The following COLEC10 variants were observed in gnomAD, a reference collection of about 807,000 sequenced individuals.
COLEC10 encodes the protein collectin subfamily member 10.
Under a neutral mutation model 28.4 loss-of-function variants are expected in COLEC10, and 22 were observed. The ratio of observed to expected loss-of-function variants is 0.78; its 90% CI spans 0.55 to 1.11. The LOEUF (loss-of-function observed/expected upper bound fraction) is 1.11, where lower values mean the gene tolerates loss of function less well. Among genes scored for constraint, COLEC10 ranks in the 50% least tolerant of loss-of-function variants. The pLI, the probability that COLEC10 is intolerant of heterozygous loss-of-function variation, is 0.00. For missense variants in COLEC10, 361 were observed against 344.1 expected, an observed-to-expected ratio of 1.05 and a Z score of -0.39; for synonymous variants, 125 against 116.1, an observed-to-expected ratio of 1.08 and a Z score of -0.49.
intron 2 of COLEC10, among the ~76,000 whole-genome samples, chr8:119,090,301 A>C (rs1815563681): frequency 6.6e-6 from 1 of 152,204 alleles, no homozygotes; most frequent in African/African-American, 2.4e-5. Context: ...AGATATGATT[A>C]GGAAGTGTCT....
intron 5 of COLEC10, 119 bp from the exon 6 acceptor site, chr8:119,105,681 C>T: frequency 1.0e-6 from 1 of 965,044 alleles, no homozygotes. Flanking sequence ...CATAATAGGG[C>T]TTTGAAAAAT....
intron 2 of COLEC10, among the ~76,000 whole-genome samples, chr8:119,038,562 A>G (rs1370693972): frequency 6.6e-6 from 1 of 152,216 alleles, no homozygotes; most frequent in Non-Finnish European, 1.5e-5. Context: ...AACTGAACAA[A>G]ACACAAAAGT....
At chr8:118,973,226 G>A in the COLEC10 span, among the ~76,000 whole-genome samples, 3 of 151,976 alleles carry the variant, frequency 2.0e-5, no homozygotes, top group Non-Finnish European at 4.4e-5. Context: ...ATGTATTAAT[G>A]CATAATAGTT....
At chr8:118,986,960 G>A in the COLEC10 span, among the ~76,000 whole-genome samples, 1 of 152,112 alleles carries the variant, frequency 6.6e-6, no homozygotes, top group African/African-American at 2.4e-5. Context: ...AAAACTAAAT[G>A]GAGGGTATGG....
At chr8:118,983,941 C>T in the COLEC10 span, among the ~76,000 whole-genome samples, 4 of 152,052 alleles carry the variant, frequency 2.6e-5, no homozygotes, top group Non-Finnish European at 4.4e-5. Flanking sequence ...CCTCAAAGAC[C>T]TTAAAACAGA....
chr8:119,050,216 G>A (rs890070242), intron 2 of COLEC10, among the ~76,000 whole-genome samples: 1 of 152,060 alleles, frequency 6.6e-6, no homozygotes, highest in Non-Finnish European at 1.5e-5. Context: ...TTAATTGAAA[G>A]GCTCTTGTAA....
chr8:119,028,435 G>T (rs1245710007), intron 2 of COLEC10, among the ~76,000 whole-genome samples: 2 of 152,152 alleles, frequency 1.3e-5, no homozygotes, highest in African/African-American at 4.8e-5. Context: ...GGCTGGGGAG[G>T]CCTCAGAATC....
upstream of COLEC10, among the ~76,000 whole-genome samples, chr8:118,990,751 G>A (rs1156889270): frequency 6.6e-6 from 1 of 152,054 alleles, no homozygotes; most frequent in Non-Finnish European, 1.5e-5. Context: ...CATCAAGGCA[G>A]ATGAGACCAC....
chr8:119,077,355 T>A (rs1046365509), intron 1 of COLEC10, among the ~76,000 whole-genome samples: 2 of 149,950 alleles, frequency 1.3e-5, no homozygotes, highest in African/African-American at 4.9e-5. Flanking sequence ...TTCTGCTCCC[T>A]CTTTTTGATT....
intron 2 of COLEC10, among the ~76,000 whole-genome samples, chr8:119,024,960 T>A (rs1814162633): frequency 6.6e-6 from 1 of 152,182 alleles, no homozygotes; most frequent in African/African-American, 2.4e-5. Flanking sequence ...ATAATAGACC[T>A]GTAATTCCCT....
chr8:119,093,340 GAGGC>G (rs751660167), intron 3 of COLEC10, among the ~76,000 whole-genome samples: 4 of 152,166 alleles, frequency 2.6e-5, no homozygotes, highest in Non-Finnish European at 5.9e-5. Context: ...CCTGCATTCG[GAGGC>G]AGGGATGAAG....
chr8:119,067,147 C>A (rs534250767), upstream of COLEC10: 29 of 819,274 alleles, frequency 3.5e-5, 2 homozygotes, highest in South Asian at 4.8e-4. Context: ...GGTATGCTTC[C>A]TTCCTGTCTC....
chr8:119,034,507 T>C (rs1814352612), intron 2 of COLEC10, among the ~76,000 whole-genome samples: 1 of 151,040 alleles, frequency 6.6e-6, no homozygotes, highest in African/African-American at 2.4e-5. Flanking sequence ...GGTCAGGAGT[T>C]CAAGATCAGA....
chr8:118,954,141 C>T, the COLEC10 span, among the ~76,000 whole-genome samples: 3 of 152,182 alleles, frequency 2.0e-5, no homozygotes, highest in Admixed American at 6.5e-5. Flanking sequence ...AATTCTGGCT[C>T]TCCCTGCAAA....
At chr8:119,041,713 A>G (rs1387585842) in intron 2 of COLEC10, among the ~76,000 whole-genome samples, 3 of 152,228 alleles carry the variant, frequency 2.0e-5, no homozygotes, top group African/African-American at 7.2e-5. Flanking sequence ...AATAAATATT[A>G]TTGTTACACG....
chr8:119,094,362 T>C (rs945673674), intron 3 of COLEC10, among the ~76,000 whole-genome samples: 1 of 152,188 alleles, frequency 6.6e-6, no homozygotes, highest in South Asian at 2.1e-4. Flanking sequence ...TAACAAGTTG[T>C]AATGGTGAAA....
chr8:119,058,083 A>C (rs16891925), intron 2 of COLEC10, among the ~76,000 whole-genome samples: 7,964 of 152,136 alleles, frequency 0.052, 495 homozygotes, highest in African/African-American at 0.14. Context: ...ATATAGAGCT[A>C]GAAACAATCT....
At chr8:118,967,128 AG>A in the COLEC10 span, among the ~76,000 whole-genome samples, 5 of 152,146 alleles carry the variant, frequency 3.3e-5, no homozygotes, top group Non-Finnish European at 7.4e-5. Context: ...AGAGTAACAC[AG>A]GGTGATTTTA....
intron 2 of COLEC10, among the ~76,000 whole-genome samples, chr8:119,021,193 A>G (rs16891856): frequency 0.044 from 6,689 of 152,262 alleles, 216 homozygotes; most frequent in East Asian, 0.16. Flanking sequence ...TAAATCTATA[A>G]TGTTAGCTCC....
Sources: allele counts gnomAD v4.1 joint callset (sites outside exome capture counted in the v4.1 genomes callset), GRCh38; gene constraint gnomAD v4.1.1; transcripts MANE v1.5; gene names NCBI Gene and HGNC (gene_info 2026-07-23, HGNC 2026-07-21).